PDE8B: variants seen among roughly 807,000 people sequenced by gnomAD.
The protein encoded by PDE8B is high affinity cAMP-specific and IBMX-insensitive 3',5'-cyclic phosphodiesterase 8B.
A neutral mutation model predicts 101.3 loss-of-function variants in PDE8B; 26 were observed. The ratio of observed to expected loss-of-function variants is 0.26; its 90% CI spans 0.19 to 0.36. The LOEUF is 0.36. PDE8B is among the 10% of genes least tolerant of loss of function. PDE8B has a pLI of 1.00. For missense variants in PDE8B, 810 were observed against 1,163.1 expected, an observed-to-expected ratio of 0.70 and a Z score of 4.42; for synonymous variants, 424 against 429.3, an observed-to-expected ratio of 0.99 and a Z score of 0.15.
chr5:77,097,731 A>ATCTATC, the PDE8B span, among the ~76,000 whole-genome samples: 1 of 65,858 alleles, frequency 1.5e-5, no homozygotes, highest in African/African-American at 3.7e-5. Flanking sequence ...ATATATATAT[A>ATCTATC]TACATACATA....
At chr5:77,335,430 A>G (rs186341387) in intron 5 of PDE8B, among the ~76,000 whole-genome samples, 4 of 152,226 alleles carry the variant, frequency 2.6e-5, no homozygotes, top group African/African-American at 7.2e-5. Flanking sequence ...AGCTCTTCCC[A>G]GCTTCCACGT....
chr5:77,379,526 C>T (rs530757039), intron 10 of PDE8B, among the ~76,000 whole-genome samples: 13 of 152,200 alleles, frequency 8.5e-5, no homozygotes, highest in African/African-American at 3.1e-4. Context: ...AATCAGCACC[C>T]ATGTATATTT....
At chr5:77,258,752 C>T (rs1159249629) in intron 1 of PDE8B, among the ~76,000 whole-genome samples, 2 of 152,078 alleles carry the variant, frequency 1.3e-5, no homozygotes, top group Admixed American at 1.3e-4. Flanking sequence ...CTCCCATCTC[C>T]CATTATTCAG....
chr5:77,324,052 T>C lies in PDE8B; in HGVS notation c.400-1487T>C, dbSNP rs57459391. Among the ~76,000 whole-genome samples, 544 of 152,320 alleles carry C rather than the reference T, an allele frequency of 3.6e-3. 8 individuals carry two copies. Among genetic ancestry groups the C allele is most frequent in the Admixed American group, 0.027 (419 of 15,304 alleles). On this transcript the variant is annotated intron_variant, in intron 2 of 21. Coordinates refer to ENST00000264917, the MANE Select transcript of PDE8B (RefSeq NM_003719.5). ...GTTTCTGATTTTAAGTGAAACACGT[T>C]TGGTGTTTCACCATGATGAATATAT...
At chr5:77,368,538 T>G (rs1784525136) in intron 10 of PDE8B, among the ~76,000 whole-genome samples, 1 of 152,208 alleles carries the variant, frequency 6.6e-6, no homozygotes, top group African/African-American at 2.4e-5. Context: ...GGAGCCCTGC[T>G]GCACTTGCTG....
intron 9 of PDE8B, 135 bp downstream of exon 9, chr5:77,351,288 G>A: frequency 1.3e-6 from 1 of 751,866 alleles, no homozygotes; most frequent in Non-Finnish European, 2.3e-6. Flanking sequence ...TATAGATCGA[G>A]GGTGCTTCCA....
intron 2 of PDE8B, among the ~76,000 whole-genome samples, chr5:77,316,587 C>T (rs1209848542): frequency 6.6e-6 from 1 of 152,102 alleles, no homozygotes; most frequent in East Asian, 1.9e-4. Context: ...AAAATCTCAC[C>T]ATACTATCTT....
At chr5:77,371,949 C>T (rs534917985) in intron 10 of PDE8B, among the ~76,000 whole-genome samples, 1 of 152,204 alleles carries the variant, frequency 6.6e-6, no homozygotes, top group South Asian at 2.1e-4. Context: ...GCCTGTAATC[C>T]CAACACTTTG....
chr5:77,356,816 A>G (rs1033398649), intron 10 of PDE8B, among the ~76,000 whole-genome samples: 2 of 152,150 alleles, frequency 1.3e-5, no homozygotes, highest in African/African-American at 4.8e-5. Context: ...CTCACACAAT[A>G]TTTTTATTGG....
At chr5:77,361,879 A>G (rs1335640367) in intron 10 of PDE8B, among the ~76,000 whole-genome samples, 2 of 152,190 alleles carry the variant, frequency 1.3e-5, no homozygotes, top group Non-Finnish European at 2.9e-5. Context: ...CCACTCATTC[A>G]TTAACTGTAA....
intron 8 of PDE8B, among the ~76,000 whole-genome samples, chr5:77,350,455 G>A (rs1056160225): frequency 1.3e-4 from 20 of 152,054 alleles, no homozygotes; most frequent in African/African-American, 3.9e-4. Context: ...GCAGGGAATC[G>A]GAATCTCAGT....
chr5:77,307,028 A>T (rs1771374441), intron 1 of PDE8B, among the ~76,000 whole-genome samples: 1 of 152,198 alleles, frequency 6.6e-6, no homozygotes, highest in African/African-American at 2.4e-5. Context: ...CACAGATCTT[A>T]TTACGTTAAT....
chr5:77,176,221 C>A, the PDE8B span, among the ~76,000 whole-genome samples: 1 of 151,930 alleles, frequency 6.6e-6, no homozygotes, highest in Admixed American at 6.6e-5. Context: ...TTCCAAACAA[C>A]TAGACACGCA....
intron 11 of PDE8B, among the ~76,000 whole-genome samples, chr5:77,400,607 A>C (rs1453746646): frequency 6.6e-6 from 1 of 152,226 alleles, no homozygotes; most frequent in Non-Finnish European, 1.5e-5. Flanking sequence ...CACTGGTTGA[A>C]TATGACACAG....
chr5:77,375,852 G>T (rs958324869), intron 10 of PDE8B, among the ~76,000 whole-genome samples: 2 of 150,490 alleles, frequency 1.3e-5, no homozygotes, highest in Non-Finnish European at 1.5e-5. Flanking sequence ...CCTTTTTAGG[G>T]TACAGGAGTG....
intron 19 of PDE8B, 74 bp downstream of exon 19, chr5:77,419,961 T>C: frequency 6.5e-7 from 1 of 1,534,578 alleles, no homozygotes; most frequent in South Asian, 1.1e-5. Flanking sequence ...CCCTGAAGCA[T>C]TTTCTCTCCC....
the PDE8B span, among the ~76,000 whole-genome samples, chr5:77,136,961 C>T: frequency 1.8e-4 from 27 of 152,134 alleles, no homozygotes; most frequent in Middle Eastern, 3.4e-3. Context: ...TATCAGTTGC[C>T]TCACCCCAAC....
chr5:77,228,099 C>T (rs1752807540), intron 1 of PDE8B, among the ~76,000 whole-genome samples: 1 of 152,146 alleles, frequency 6.6e-6, no homozygotes, highest in Admixed American at 6.5e-5. Flanking sequence ...AGAAAATCTT[C>T]CAAGCTTATC....
intron 10 of PDE8B, among the ~76,000 whole-genome samples, chr5:77,365,210 A>T (rs985801052): frequency 6.6e-6 from 1 of 152,140 alleles, no homozygotes; most frequent in African/African-American, 2.4e-5. Flanking sequence ...GAAAACAACA[A>T]CAACAAAAAC....
Sources: allele counts gnomAD v4.1 joint callset (sites outside exome capture counted in the v4.1 genomes callset), GRCh38; gene constraint gnomAD v4.1.1; transcripts MANE v1.5; gene names NCBI Gene and HGNC (gene_info 2026-07-23, HGNC 2026-07-21).